The following INTU variants were observed in gnomAD, a reference collection of about 807,000 sequenced individuals.
INTU encodes the protein protein inturned.
Under a neutral mutation model 100.5 loss-of-function variants are expected in INTU, and 68 were observed. The observed-to-expected ratio is 0.68, with a 90% CI of 0.56 to 0.83. INTU has a LOEUF of 0.83. INTU is among the 40% of genes least tolerant of loss of function. The pLI is 0.00. For missense variants in INTU, 1,071 were observed against 1,114.7 expected (o/e 0.96, Z 0.56); for synonymous variants, 357 against 395.7 (o/e 0.90, Z 1.16).
chr4:127,653,900 G>A (rs1224349763), intron 2 of INTU, among the ~76,000 whole-genome samples: 1 of 151,780 alleles, frequency 6.6e-6, no homozygotes, highest in Non-Finnish European at 1.5e-5. Flanking sequence ...ATGAATCTGG[G>A]TGCTCCCGTG....
chr4:127,652,693 G>C (rs1287838123), intron 2 of INTU, among the ~76,000 whole-genome samples: 5 of 113,964 alleles, frequency 4.4e-5, no homozygotes, highest in African/African-American at 1.8e-4. Context: ...TTTTTTGGTT[G>C]TGTCTCTGCC....
intron 8 of INTU, among the ~76,000 whole-genome samples, chr4:127,695,437 C>A (rs1730340620): frequency 6.6e-6 from 1 of 152,066 alleles, no homozygotes; most frequent in Non-Finnish European, 1.5e-5. Context: ...GAAACCCTAC[C>A]TGTACCAAAA....
At chr4:127,696,927 C>T (rs1328979162) in intron 8 of INTU, among the ~76,000 whole-genome samples, 1 of 152,124 alleles carries the variant, frequency 6.6e-6, no homozygotes, top group Non-Finnish European at 1.5e-5. Context: ...TATACTGAAA[C>T]ATTCTGAGAC....
At chr4:127,676,955 C>A (rs1182004620) in intron 6 of INTU, among the ~76,000 whole-genome samples, 2 of 152,220 alleles carry the variant, frequency 1.3e-5, no homozygotes, top group Non-Finnish European at 2.9e-5. Flanking sequence ...ATATCCCGCA[C>A]ATGGCTCGGA....
chr4:127,706,828 CTG>C lies in INTU; in HGVS notation c.2132_2133del (p.Cys711Ter). Reference protein sequence around the residue: ...SLKTRKPSPSCSSGGSDNGCE... With the variant: ...SLKTRKPSPSXSSGGSDNGCE... ...TAAAGACACGCAAGCCTAGTCCTTCCTGTAGTAGTGGAGGATCTGACAATGGT... is the reference window on the plus strand; with the variant it reads ...TAAAGACACGCAAGCCTAGTCCTTCCTAGTAGTGGAGGATCTGACAATGGT... On this transcript the variant is annotated frameshift_variant, in exon 12 of 16. Coordinates refer to ENST00000335251, the MANE Select transcript of INTU (RefSeq NM_015693.4). LOFTEE classifies it high-confidence loss of function. The C allele has an allele frequency of 1.9e-6, 3 of 1,614,094 alleles. No homozygotes were observed. Among genetic ancestry groups the C allele is most frequent in the Non-Finnish European group, 2.5e-6 (3 of 1,179,994 alleles).
At chr4:127,675,812 G>C (rs1482636118) in intron 6 of INTU, 1 of 178,086 alleles carries the variant, frequency 5.6e-6, no homozygotes, top group Non-Finnish European at 1.3e-5. Context: ...GACAGAAAGA[G>C]GGGGATGCTA....
chr4:127,658,755 AG>A (rs1280988018), intron 3 of INTU, among the ~76,000 whole-genome samples: 10 of 152,186 alleles, frequency 6.6e-5, no homozygotes, highest in African/African-American at 2.2e-4. Flanking sequence ...AGGGAGAGAA[AG>A]AAATTAGGAT....
intron 12 of INTU, 85 bp from the exon 13 acceptor site, chr4:127,708,486 C>A: frequency 1.4e-6 from 1 of 707,334 alleles, no homozygotes; most frequent in East Asian, 2.8e-5. Context: ...GTAGTTCCCT[C>A]AGAAGGATGT....
chr4:127,679,923 T>C (rs1247433134), intron 6 of INTU, among the ~76,000 whole-genome samples: 2 of 152,028 alleles, frequency 1.3e-5, no homozygotes, highest in Non-Finnish European at 2.9e-5. Flanking sequence ...AAAGGAGATA[T>C]CACCACCGAT....
Position 127,702,424 on chromosome 4 carries a change from TG to T in INTU, c.1504-1802del, listed in dbSNP as rs1730688924. Among the ~76,000 whole-genome samples the T allele has an allele frequency of 2.0e-5, 3 of 152,112 alleles. No homozygotes were observed. In the South Asian group the frequency reaches 6.2e-4, roughly 31 times the overall value. On this transcript the variant is annotated intron_variant, in intron 9 of 15. Coordinates refer to ENST00000335251, the MANE Select transcript of INTU (RefSeq NM_015693.4). ...AACTTTATTTGTAATAGCCAAAAAGTGGAAACAACTCAAATAACTTAACTGT... is the reference window on the plus strand; with the variant it reads ...AACTTTATTTGTAATAGCCAAAAAGTGAAACAACTCAAATAACTTAACTGT...
At chr4:127,674,298 A>T (rs1729074257) in intron 6 of INTU, 85 bp downstream of exon 6, 1 of 1,051,130 alleles carries the variant, frequency 9.5e-7, no homozygotes, top group South Asian at 1.5e-5. Context: ...TTTTGTCAAA[A>T]GACAAACTCC....
In INTU at chr4:127,669,141, A is replaced by G. The variant is rs748279179; in HGVS notation, c.1078A>G (p.Thr360Ala). The change falls in exon 5 of 16, where the codon ACA becomes GCA. Residue 360 changes from threonine to alanine, a missense_variant. Transcript: ENST00000335251. ...TGACATGCTGGAAAACGTAACTGGG[A>G]CACAAGTTACTAGGTAATAATTTTT... ...LCDMLENVTG[T>A]QVTSSSLLLN... The G allele has an allele frequency of 6.8e-7, 1 of 1,469,124 alleles. No homozygotes were observed. 91.0% of individuals were successfully genotyped at this position (1,469,124 alleles called of 1,614,324 possible).
At chr4:127,671,182 G>A (rs1467764779) in intron 5 of INTU, among the ~76,000 whole-genome samples, 4 of 151,780 alleles carry the variant, frequency 2.6e-5, no homozygotes, top group East Asian at 1.9e-4. Flanking sequence ...GATAGCCTGC[G>A]GAATGAGAGA....
chr4:127,636,828 C>T (rs1237192008), intron 1 of INTU, among the ~76,000 whole-genome samples: 2 of 152,186 alleles, frequency 1.3e-5, no homozygotes, highest in Non-Finnish European at 2.9e-5. Flanking sequence ...ATACTGTTAA[C>T]ATCCAATTTA....
At position 127,643,493 on chromosome 4, in the gene INTU, T is replaced by A. The variant is rs763376339; in HGVS notation, c.147-28T>A. 3.2e-6 allele frequency: 5 copies of A among 1,544,780 alleles called. No homozygotes were observed. In the Admixed American group the frequency reaches 1.1e-4, roughly 33 times the overall value. On this transcript the variant is annotated intron_variant, in intron 1 of 15. Transcript: ENST00000335251. ...CTTTCTTTTATATATTGGGCTGCTA[T>A]TAAGATTATCTTTTCTCTCTTTCAT...
At chr4:127,698,907 A>G (rs1730516308) in intron 8 of INTU, among the ~76,000 whole-genome samples, 1 of 152,200 alleles carries the variant, frequency 6.6e-6, no homozygotes, top group Non-Finnish European at 1.5e-5. Context: ...AAAAAAAGGG[A>G]ACCTGAAGTA....
At chr4:127,633,493 T>TC (rs1726934234) in intron 1 of INTU, among the ~76,000 whole-genome samples, 1 of 152,208 alleles carries the variant, frequency 6.6e-6, no homozygotes, top group South Asian at 2.1e-4. Flanking sequence ...GTAACAGCGT[T>TC]CAAAAAACTC....
At chr4:127,678,675 A>G (rs1462281639) in intron 6 of INTU, among the ~76,000 whole-genome samples, 7 of 152,238 alleles carry the variant, frequency 4.6e-5, no homozygotes, top group Non-Finnish European at 8.8e-5. Context: ...CATCGAGGCT[A>G]GGAAGAAACT....
intron 6 of INTU, among the ~76,000 whole-genome samples, chr4:127,680,955 A>G (rs1305603296): frequency 3.3e-5 from 5 of 152,212 alleles, no homozygotes. Context: ...TTATATACCA[A>G]TAACAGACAA....
Sources: allele counts gnomAD v4.1 joint callset (sites outside exome capture counted in the v4.1 genomes callset), GRCh38; gene constraint gnomAD v4.1.1; transcripts MANE v1.5; gene names NCBI Gene and HGNC (gene_info 2026-07-23, HGNC 2026-07-21).